The following MACROD2 variants were observed in gnomAD, a reference collection of about 807,000 sequenced individuals.
The protein encoded by MACROD2 is mono-ADP ribosylhydrolase 2, also known as ADP-ribose glycohydrolase MACROD2.
MACROD2 carries 36 observed loss-of-function variants against 70.4 expected under a neutral mutation model. The ratio of observed to expected loss-of-function variants is 0.51; its 90% confidence interval spans 0.39 to 0.68. MACROD2 has a LOEUF of 0.68. Among genes scored for constraint, MACROD2 ranks in the 30% least tolerant of loss-of-function variants. MACROD2 has a pLI of 0.00. For synonymous variants in MACROD2, 172 were observed against 178.8 expected, an observed-to-expected ratio of 0.96 and a Z score of 0.30; for missense variants, 496 against 538.4, an observed-to-expected ratio of 0.92 and a Z score of 0.78.
At chr20:14,757,684 C>G in intron 5 of MACROD2, 1 of 1,418,924 alleles carries the variant, frequency 7.0e-7, no homozygotes, top group South Asian at 1.2e-5. Context: ...ATGTGTCCAA[C>G]CTTCCTGTCA....
intron 6 of MACROD2, among the ~76,000 whole-genome samples, chr20:15,251,983 G>A (rs185838550): frequency 1.3e-5 from 2 of 152,218 alleles, no homozygotes; most frequent in Non-Finnish European, 2.9e-5. Context: ...TTGTAAGGAG[G>A]GAACATAAAT....
intron 4 of MACROD2, among the ~76,000 whole-genome samples, chr20:14,543,078 A>G (rs1041713403): frequency 6.6e-6 from 1 of 151,974 alleles, no homozygotes; most frequent in African/African-American, 2.4e-5. Flanking sequence ...TTTGTACCTT[A>G]TTTTCTTCCT....
At chr20:14,354,441 ATTTC>A (rs1170772027) in intron 3 of MACROD2, among the ~76,000 whole-genome samples, 1 of 151,554 alleles carries the variant, frequency 6.6e-6, no homozygotes, top group Non-Finnish European at 1.5e-5. Context: ...TTTTTTTTCT[ATTTC>A]TTATTGAATT....
chr20:14,688,490 G>T (rs1347445703), intron 5 of MACROD2, among the ~76,000 whole-genome samples: 1 of 151,956 alleles, frequency 6.6e-6, no homozygotes. Context: ...ATTTCTTTTT[G>T]ACATTAAGAA....
intron 5 of MACROD2, among the ~76,000 whole-genome samples, chr20:15,199,587 T>A (rs1399528691): frequency 2.0e-5 from 3 of 151,894 alleles, no homozygotes; most frequent in Non-Finnish European, 4.4e-5. Flanking sequence ...TTATAATTGT[T>A]ACTAAAATTA....
intron 3 of MACROD2, among the ~76,000 whole-genome samples, chr20:14,409,784 G>A (rs1401240271): frequency 6.6e-6 from 1 of 152,100 alleles, no homozygotes; most frequent in Admixed American, 6.6e-5. Flanking sequence ...TCGGGTTGGA[G>A]AGCGCATTGA....
At chr20:15,876,994 A>G (rs751825765) in intron 9 of MACROD2, among the ~76,000 whole-genome samples, 12 of 152,128 alleles carry the variant, frequency 7.9e-5, no homozygotes, top group East Asian at 1.9e-4. Context: ...TCCTACTGCA[A>G]CCATCCTTGT....
intron 2 of MACROD2, among the ~76,000 whole-genome samples, chr20:14,045,716 A>G (rs918419063): frequency 1.3e-5 from 2 of 152,250 alleles, no homozygotes; most frequent in Non-Finnish European, 2.9e-5. Context: ...TATTGAAATT[A>G]CTAGGTAAGA....
At chr20:15,222,324 A>G (rs968203441) in intron 5 of MACROD2, among the ~76,000 whole-genome samples, 3 of 152,222 alleles carry the variant, frequency 2.0e-5, no homozygotes, top group Non-Finnish European at 4.4e-5. Flanking sequence ...TATAATAAAA[A>G]CAAACTTCGA....
intron 5 of MACROD2, among the ~76,000 whole-genome samples, chr20:15,206,330 T>C (rs1347024805): frequency 6.6e-6 from 1 of 152,218 alleles, no homozygotes; most frequent in African/African-American, 2.4e-5. Context: ...ATTACTTATG[T>C]TCTACTTTGA....
chr20:15,597,058 G>C (rs572551915), intron 8 of MACROD2, among the ~76,000 whole-genome samples: 2 of 152,330 alleles, frequency 1.3e-5, no homozygotes, highest in East Asian at 3.9e-4. Context: ...CATACTGTTA[G>C]TCTGAAAGGA....
chr20:15,324,292 C>T (rs2077904040), intron 6 of MACROD2, among the ~76,000 whole-genome samples: 1 of 152,090 alleles, frequency 6.6e-6, no homozygotes, highest in Non-Finnish European at 1.5e-5. Flanking sequence ...TAGGTATAAC[C>T]TGAATTCTTC....
At chr20:15,602,374 C>G (rs1261068264) in intron 8 of MACROD2, among the ~76,000 whole-genome samples, 1 of 152,198 alleles carries the variant, frequency 6.6e-6, no homozygotes, top group East Asian at 1.9e-4. Context: ...TTGAGACTGA[C>G]ATACTTTGAC....
At chr20:15,232,919 G>A (rs572866939) in intron 6 of MACROD2, among the ~76,000 whole-genome samples, 58 of 152,102 alleles carry the variant, frequency 3.8e-4, no homozygotes, top group Non-Finnish European at 6.2e-4. Context: ...AAGACAAGTA[G>A]TATGATAATT....
chr20:15,368,991 C>A (rs917774025), intron 6 of MACROD2, among the ~76,000 whole-genome samples: 1 of 152,124 alleles, frequency 6.6e-6, no homozygotes, highest in Non-Finnish European at 1.5e-5. Context: ...GTTTGTCATG[C>A]ATATCTTAGT....
intron 3 of MACROD2, among the ~76,000 whole-genome samples, chr20:14,476,531 A>G (rs540980405): frequency 2.0e-5 from 3 of 152,212 alleles, no homozygotes; most frequent in African/African-American, 7.2e-5. Context: ...AACTTTTTGT[A>G]TTTTTAGTAG....
intron 3 of MACROD2, among the ~76,000 whole-genome samples, chr20:14,181,990 C>G (rs2081308950): frequency 6.6e-6 from 1 of 152,140 alleles, no homozygotes; most frequent in South Asian, 2.1e-4. Context: ...TTTCAGTTCT[C>G]TTGGTTAGAT....
chr20:15,480,882 G>T (rs1687954137), intron 7 of MACROD2, among the ~76,000 whole-genome samples: 1 of 152,088 alleles, frequency 6.6e-6, no homozygotes, highest in African/African-American at 2.4e-5. Flanking sequence ...GTTGGGCTAT[G>T]GTTACATTAT....
rs1206639982 is a variant in MACROD2, at chr20:15,771,627, G to A, written c.646-91118G>A. ...ATTACATGTATGCATATGTATGTAT[G>A]TGTATGTAGATGTATGTATGCATGT... On this transcript the variant is annotated intron_variant, in intron 8 of 17. Coordinates refer to ENST00000684519, the MANE Select transcript of MACROD2 (RefSeq NM_001351661.2). Among the ~76,000 whole-genome samples the A allele has an allele frequency of 3.3e-5, 5 of 151,980 alleles. No homozygotes were observed. The East Asian group carries it at 9.6e-4, about 29-fold the overall frequency.
Sources: allele counts gnomAD v4.1 joint callset (sites outside exome capture counted in the v4.1 genomes callset), GRCh38; gene constraint gnomAD v4.1.1; transcripts MANE v1.5; gene names NCBI Gene and HGNC (gene_info 2026-07-23, HGNC 2026-07-21).